The following OTUD7A variants were observed in gnomAD, a reference collection of about 807,000 sequenced individuals.
OTUD7A encodes the protein OTU domain-containing protein 7A.
A neutral mutation model predicts 65.7 loss-of-function variants in OTUD7A; 12 were observed. The ratio of observed to expected loss-of-function variants is 0.18; its 90% CI spans 0.12 to 0.30. OTUD7A has a LOEUF of 0.30. Among genes scored for constraint, OTUD7A ranks in the 10% least tolerant of loss-of-function variants. The pLI is 1.00. For synonymous variants in OTUD7A, 641 were observed against 586.3 expected (o/e 1.09, Z -1.35); for missense variants, 1,148 against 1,304.8 (o/e 0.88, Z 1.85).
At chr15:31,699,772 A>C (rs1479000147) in intron 1 of OTUD7A, among the ~76,000 whole-genome samples, 3 of 151,814 alleles carry the variant, frequency 2.0e-5, no homozygotes, top group Non-Finnish European at 4.4e-5. Context: ...TTGCTCTATC[A>C]CATCCCTTCT....
Position 31,487,498 on chromosome 15 carries a change from C to T in OTUD7A, c.1240G>A (p.Asp414Asn), listed in dbSNP as rs1424609508. 2 of 1,614,104 alleles carry T rather than the reference C, an allele frequency of 1.2e-6. No homozygotes were observed. Among genetic ancestry groups the T allele is most frequent in the Non-Finnish European group, 8.5e-7 (1 of 1,180,026 alleles). ...TTGTCGTCTTTCCCCCACTCCCAGT[C>T]CTTGCCAGGGTCCACTGCAAAGTGC... The part of the protein sequence containing the change: ...PLHFAVDPGK[D>N]WEWGKDDNDN... Residue 414 changes from aspartate to asparagine, a missense_variant, in exon 11 of 13, where the codon GAC (aspartate) becomes AAC (asparagine). Asp to Asn is a conservative substitution (Grantham distance 23, BLOSUM62 1). Around this residue, in one of 6 missense-constraint regions of OTUD7A, gnomAD observed 842 missense variants for 769.5 expected, o/e 1.09. Coordinates refer to ENST00000307050, the MANE Select transcript of OTUD7A (RefSeq NM_001382637.1). The surrounding 1 kb of genome is among the most constrained non-coding windows in gnomAD (Gnocchi z 6.0).
At chr15:31,632,947 T>C (rs1342466330) in intron 3 of OTUD7A, among the ~76,000 whole-genome samples, 2 of 152,240 alleles carry the variant, frequency 1.3e-5, no homozygotes, top group East Asian at 1.9e-4. Flanking sequence ...AATCTCCTGG[T>C]GTGCCGTTTT....
At chr15:31,494,904 C>G (rs1265630837) in intron 10 of OTUD7A, among the ~76,000 whole-genome samples, 3 of 152,178 alleles carry the variant, frequency 2.0e-5, no homozygotes, top group Non-Finnish European at 2.9e-5. Context: ...TGCATGGGAG[C>G]ATGGAGTCCT....
rs57540368 is a variant in OTUD7A at position 31,796,167 on chromosome 15, A to G, written c.-100+74340T>C. On this transcript the variant is annotated intron_variant, in intron 1 of 12. Coordinates refer to ENST00000307050, the MANE Select transcript of OTUD7A (RefSeq NM_001382637.1). ...CGTGTGTGTGTGTGTGTGTGTGTGT[A>G]TCTATGTATGTATCTATGCATTATC... is the stretch of plus-strand genomic sequence containing the variant. Among the ~76,000 whole-genome samples, 91 of 52,462 alleles carry G rather than the reference A, an allele frequency of 1.7e-3. 1 individual carries two copies. The highest frequency in any genetic ancestry group is 3.5e-3 in the African/African-American group (73 of 20,630). The allele number at this position is 52,462 out of a possible 152,430, so 34.4% of individuals were successfully genotyped here. A position where few individuals can be genotyped will look rare whatever the true frequency, so the allele number is the denominator to read the frequency against.
intron 3 of OTUD7A, among the ~76,000 whole-genome samples, chr15:31,598,162 T>C (rs1889963080): frequency 6.6e-6 from 1 of 152,202 alleles, no homozygotes; most frequent in Non-Finnish European, 1.5e-5. Flanking sequence ...CTATTTGACA[T>C]GTGGGCACGC....
chr15:31,612,700 G>A (rs1171870252), intron 3 of OTUD7A, among the ~76,000 whole-genome samples: 2 of 152,134 alleles, frequency 1.3e-5, no homozygotes, highest in African/African-American at 4.8e-5. Flanking sequence ...ACTCAATATT[G>A]AGAAAATGAC....
intron 1 of OTUD7A, among the ~76,000 whole-genome samples, chr15:31,800,969 G>A (rs1301905034): frequency 6.7e-6 from 1 of 149,086 alleles, no homozygotes; most frequent in Non-Finnish European, 1.5e-5. Context: ...TGCATGCTGT[G>A]CCAGAAACAA....
At chr15:31,610,613 A>ATTTTTTTTTTTTTTTTTTTTTTTTTT (rs1228282525) in intron 3 of OTUD7A, among the ~76,000 whole-genome samples, 1 of 31,676 alleles carries the variant, frequency 3.2e-5, no homozygotes, top group Non-Finnish European at 5.4e-5. Context: ...ATATATATAT[A>ATTTTTTTTTTTTTTTTTTTTTTTTTT]TATATTTTTT....
chr15:31,678,924 CAG>C (rs1892652104), intron 1 of OTUD7A, among the ~76,000 whole-genome samples: 1 of 152,214 alleles, frequency 6.6e-6, no homozygotes, highest in Non-Finnish European at 1.5e-5. Flanking sequence ...AGAAAAGTCG[CAG>C]ACACTCAACA....
At chr15:31,625,732 T>C (rs1890932114) in intron 3 of OTUD7A, among the ~76,000 whole-genome samples, 1 of 152,098 alleles carries the variant, frequency 6.6e-6, no homozygotes, top group Non-Finnish European at 1.5e-5. Flanking sequence ...GCTTTACTGA[T>C]AGTAGCCAAA....
intron 1 of OTUD7A, among the ~76,000 whole-genome samples, chr15:31,658,526 A>T (rs59475354): frequency 0.084 from 12,721 of 151,714 alleles, 1,313 homozygotes; most frequent in African/African-American, 0.25. Context: ...GACTGCAGGG[A>T]CTCTGTGGGA....
intron 4 of OTUD7A, among the ~76,000 whole-genome samples, chr15:31,564,650 T>C (rs528883320): frequency 6.6e-6 from 1 of 152,240 alleles, no homozygotes; most frequent in Non-Finnish European, 1.5e-5. Flanking sequence ...AAAAGTAGAA[T>C]GTGTAACTTG....
chr15:31,635,845 C>T (rs575612067), intron 3 of OTUD7A, among the ~76,000 whole-genome samples: 14 of 152,348 alleles, frequency 9.2e-5, no homozygotes, highest in African/African-American at 3.4e-4. Context: ...GAAGGGCACT[C>T]TCCCTGCACT....
intron 3 of OTUD7A, among the ~76,000 whole-genome samples, chr15:31,641,987 C>T (rs1891530342): frequency 6.6e-6 from 1 of 152,188 alleles, no homozygotes; most frequent in Admixed American, 6.5e-5. Flanking sequence ...TCTTATCTCC[C>T]TCTTGATCTT....
chr15:31,770,890 T>C (rs1895216836), intron 1 of OTUD7A, among the ~76,000 whole-genome samples: 1 of 152,132 alleles, frequency 6.6e-6, no homozygotes, highest in Non-Finnish European at 1.5e-5. Flanking sequence ...AGATTAAGAA[T>C]ATAAAAGGAC....
At chr15:31,859,271 C>A (rs1897658300) in intron 1 of OTUD7A, among the ~76,000 whole-genome samples, 1 of 152,124 alleles carries the variant, frequency 6.6e-6, no homozygotes, top group African/African-American at 2.4e-5. Flanking sequence ...TCATGTTGTA[C>A]ATGGAAGGGC....
Position 31,479,223 on chromosome 15 carries a change from G to A in OTUD7A, c.*4071C>T, listed in dbSNP as rs1219263582. On this transcript the variant is annotated 3_prime_UTR_variant, in exon 13 of 13. Coordinates refer to ENST00000307050, the MANE Select transcript of OTUD7A (RefSeq NM_001382637.1). ...GGCAGCAGAACCGGACTCAACTAGA[G>A]CAGGGGCCGCCTCTGCAGCCCAGCG... 4 of 152,272 alleles carry A rather than the reference G, an allele frequency of 2.6e-5. No individual in the cohort carries two copies. In the East Asian group the frequency reaches 7.7e-4, roughly 29 times the overall value. The allele number at this position is 152,272 out of a possible 1,614,324, so 9.4% of individuals were successfully genotyped here. A position where few individuals can be genotyped will look rare whatever the true frequency, so the allele number is the denominator to read the frequency against.
At position 31,484,822 on chromosome 15, in the gene OTUD7A, G is replaced by C. The variant is rs1265682189; in HGVS notation, c.1372-98C>G. ...CCTTGCCCCTGTGTTGCCGAGGCTAGGGCCCTGGACCTTCACTGTCCCAGT... is the reference window on the plus strand; with the variant it reads ...CCTTGCCCCTGTGTTGCCGAGGCTACGGCCCTGGACCTTCACTGTCCCAGT... On this transcript the variant is annotated intron_variant, in intron 12 of 12. Coordinates refer to ENST00000307050, the MANE Select transcript of OTUD7A (RefSeq NM_001382637.1). The surrounding 1 kb of genome is among the most constrained non-coding windows in gnomAD (Gnocchi z 4.5). The C allele has an allele frequency of 2.7e-6, 4 of 1,494,034 alleles. No homozygotes were observed. Among genetic ancestry groups the C allele is most frequent in the Non-Finnish European group, 3.6e-6 (4 of 1,124,946 alleles). The allele number at this position is 1,494,034 out of a possible 1,614,324, so 92.5% of individuals were successfully genotyped here.
Position 31,483,559 on chromosome 15 carries a change from C to T in OTUD7A, c.2537G>A (p.Gly846Glu). 7.7e-7 allele frequency: 1 copy of T among 1,305,336 alleles called. No homozygotes were observed. 80.9% of individuals were successfully genotyped at this position (1,305,336 alleles called of 1,614,324 possible). ...AVPGALPGAA[G>E]TAGAAEHKSQ... is the part of the protein sequence containing the mutation. ...CTTGTGCTCGGCCGCCCCCGCCGTC[C>T]CCGCCGCGCCCGGTAGGGCCCCGGG... Residue 846 changes from glycine (G) to glutamate (E), a missense_variant, in exon 13 of 13, where the codon GGG becomes GAG. By Grantham distance (98) the Gly-to-Glu change is moderately conservative. Coordinates refer to ENST00000307050, the MANE Select transcript of OTUD7A (RefSeq NM_001382637.1).
Sources: gnomAD v4.1 joint callset for allele counts (sites outside exome capture counted in the v4.1 genomes callset) on GRCh38, gnomAD v4.1.1 for gene constraint, gnomAD v4.1.1 regional missense constraint, Gnocchi (gnomAD v3.1) non-coding constraint, MANE v1.5 for transcripts, NCBI Gene and HGNC (gene_info 2026-07-23, HGNC 2026-07-21) for gene names.